The following ANKAR variants were observed in gnomAD, a reference collection of about 807,000 sequenced individuals.
ANKAR encodes ankyrin and armadillo repeat containing, also known as ankyrin and armadillo repeat-containing protein.
Under a neutral mutation model 146.2 loss-of-function variants are expected in ANKAR, and 136 were observed. The ratio of observed to expected loss-of-function variants is 0.93; its 90% CI spans 0.81 to 1.07. The LOEUF (loss-of-function observed/expected upper bound fraction) is 1.07. Among genes scored for constraint, ANKAR ranks in the 50% least tolerant of loss-of-function variants. The pLI, the probability that ANKAR is intolerant of heterozygous loss-of-function variation, is 0.00. For missense variants in ANKAR, 1,567 were observed against 1,679.9 expected (o/e 0.93, Z 1.18); for synonymous variants, 500 against 575.8 (o/e 0.87, Z 1.88).
At position 189,696,315 on chromosome 2, in the gene ANKAR, C is replaced by T. The variant is rs1215457055; in HGVS notation, c.1654C>T (p.Leu552=). 6.2e-7 allele frequency: 1 copy of T among 1,614,054 alleles called. No individual in the cohort carries two copies. The highest frequency in any genetic ancestry group is 8.5e-7 in the Non-Finnish European group (1 of 1,179,986). ...CAACAGAGTTTCTATTATATGTCAA[C>T]TGTGCAATGCTAACTTCAAGGTCAA... ...LHNRVSIICQ[L]CNANFKVNQR... is the part of the protein sequence containing the mutation. The change falls in exon 7 of 23, where the codon CTG becomes TTG. Residue 552 remains leucine, a synonymous_variant. Transcript: ENST00000684021.
intron 17 of ANKAR, among the ~76,000 whole-genome samples, chr2:189,736,178 A>T (rs977000924): frequency 2.1e-4 from 32 of 152,162 alleles, no homozygotes; most frequent in Non-Finnish European, 4.3e-4. Context: ...AAACTATGGG[A>T]TTCATTTTGA....
chr2:189,754,466 T>C, intron 18 of ANKAR: 1 of 933,420 alleles, frequency 1.1e-6, no homozygotes, highest in Admixed American at 2.9e-5. Context: ...TAAAACATGC[T>C]ATACTTTGGC....
intron 2 of ANKAR, among the ~76,000 whole-genome samples, chr2:189,685,172 A>C (rs947177181): frequency 6.6e-6 from 1 of 151,170 alleles, no homozygotes; most frequent in Non-Finnish European, 1.5e-5. Flanking sequence ...TGCCCAGCTA[A>C]TTTTTTTGTT....
intron 10 of ANKAR, among the ~76,000 whole-genome samples, chr2:189,713,756 A>G (rs1239556027): frequency 6.6e-6 from 1 of 152,242 alleles, no homozygotes; most frequent in African/African-American, 2.4e-5. Flanking sequence ...AAATTCACAC[A>G]CAACAATATT....
intron 17 of ANKAR, among the ~76,000 whole-genome samples, chr2:189,736,206 T>C (rs1201161258): frequency 1.3e-5 from 2 of 152,174 alleles, no homozygotes; most frequent in East Asian, 1.9e-4. Context: ...ATAGCCACTT[T>C]ATAATCTAAA....
Position 189,733,156 on chromosome 2 carries a change from T to A in ANKAR, c.3350T>A (p.Leu1117Ter). 6.2e-7 allele frequency: 1 copy of A among 1,613,102 alleles called. No individual in the cohort carries two copies. Among genetic ancestry groups the A allele is most frequent in the Non-Finnish European group, 8.5e-7 (1 of 1,179,456 alleles). The change falls in exon 17 of 23, where the codon TTA becomes TAA. Residue 1117 changes from leucine (L) to a stop codon, truncating the protein, a stop_gained. Coordinates refer to ENST00000684021, the MANE Select transcript of ANKAR (RefSeq NM_001378068.1). LOFTEE classifies it high-confidence loss of function. ...LACIVLGNDVLQKDLHENEGF... is the reference protein window; with the variant it reads ...LACIVLGNDV Reference sequence around the variant, plus strand: ...TGCATTGTCCTAGGGAATGATGTGTTACAGAAAGACTTACATGAAAATGAA... The same window carrying A: ...TGCATTGTCCTAGGGAATGATGTGTAACAGAAAGACTTACATGAAAATGAA...
intron 2 of ANKAR, among the ~76,000 whole-genome samples, chr2:189,687,988 G>T (rs1281284404): frequency 6.6e-6 from 1 of 152,048 alleles, no homozygotes; most frequent in East Asian, 1.9e-4. Flanking sequence ...GTCCATTTTT[G>T]CTTGGGTTGC....
At chr2:189,761,589 T>C (rs959053694), downstream of ANKAR, 3 of 1,609,576 alleles carry the variant, frequency 1.9e-6, no homozygotes, top group African/African-American at 2.7e-5. Flanking sequence ...TCATAAACTT[T>C]CCTTTTTGAT....
intron 19 of ANKAR, among the ~76,000 whole-genome samples, chr2:189,739,907 C>T (rs2043174793): frequency 6.6e-6 from 1 of 152,116 alleles, no homozygotes; most frequent in Non-Finnish European, 1.5e-5. Context: ...CATTGGCTTT[C>T]AAATATTAAA....
chr2:189,707,061 A>G lies in ANKAR; in HGVS notation c.2034A>G (p.Leu678=), dbSNP rs1311508989. ...TDIKGNNIIH[L]SVLTFHTEVL... Reference sequence around the variant, plus strand: ...TTAAAGGAAATAATATAATCCATTTATCAGTGTTAACCTTTCATACAGAGG... The same window carrying G: ...TTAAAGGAAATAATATAATCCATTTGTCAGTGTTAACCTTTCATACAGAGG... The change falls in exon 9 of 23, where the codon TTA becomes TTG. Residue 678 remains leucine, a synonymous_variant. Coordinates refer to ENST00000684021, the MANE Select transcript of ANKAR (RefSeq NM_001378068.1). The G allele has an allele frequency of 6.2e-7, 1 of 1,611,092 alleles. No homozygotes were observed. The highest frequency in any genetic ancestry group is 8.5e-7 in the Non-Finnish European group (1 of 1,177,824).
At chr2:189,749,741 G>A (rs1439918338), downstream of ANKAR, among the ~76,000 whole-genome samples, 1 of 152,160 alleles carries the variant, frequency 6.6e-6, no homozygotes, top group African/African-American at 2.4e-5. Flanking sequence ...CTCCAGAGAT[G>A]ATACCTAATA....
rs769056174 is a variant in ANKAR at position 189,737,817 on chromosome 2, T to A, written c.3558T>A (p.Thr1186=). ...FERFLESTVE[T]EKAMAAFQIV... ...GTTTTCTTGAATCAACAGTTGAAAC[T>A]GAGAAGGCAATGGCAGCATTTCAGG... Residue 1186 remains threonine (T), a synonymous_variant, in exon 18 of 23, where the codon ACT becomes ACA. Transcript: ENST00000684021. 8.7e-5 allele frequency: 137 copies of A among 1,571,584 alleles called. No individual in the cohort carries two copies. The highest frequency in any genetic ancestry group is 1.1e-4 in the Non-Finnish European group (129 of 1,166,008).
At chr2:189,757,294 G>C (rs899112667) in intron 18 of ANKAR, among the ~76,000 whole-genome samples, 1 of 152,196 alleles carries the variant, frequency 6.6e-6, no homozygotes, top group Non-Finnish European at 1.5e-5. Flanking sequence ...ATGTGGAATG[G>C]TGAGGGAGAA....
chr2:189,722,736 A>G (rs1210445149), intron 12 of ANKAR, among the ~76,000 whole-genome samples: 1 of 152,046 alleles, frequency 6.6e-6, no homozygotes, highest in Non-Finnish European at 1.5e-5. Flanking sequence ...CAAAAAAATT[A>G]TCTGGGTGTG....
intron 2 of ANKAR, among the ~76,000 whole-genome samples, chr2:189,677,324 G>C (rs2033880252): frequency 6.6e-6 from 1 of 152,052 alleles, no homozygotes; most frequent in Admixed American, 6.6e-5. Flanking sequence ...TGGGGGAACA[G>C]GTGGTTTTTG....
chr2:189,687,481 A>G (rs1036290732), intron 2 of ANKAR, among the ~76,000 whole-genome samples: 1 of 152,182 alleles, frequency 6.6e-6, no homozygotes, highest in Non-Finnish European at 1.5e-5. Flanking sequence ...TATACCCAGC[A>G]GTGGGATTGC....
At chr2:189,681,009 A>AT (rs11427057) in intron 2 of ANKAR, among the ~76,000 whole-genome samples, 150,359 of 152,254 alleles carry the variant, frequency 0.99, 74,279 homozygotes, top group East Asian at 1. Flanking sequence ...GAGCCTTGAC[A>AT]TTCTGACGAA....
In ANKAR at chr2:189,699,787, C is replaced by A. The variant is rs370632666; in HGVS notation, c.1708+3418C>A. 8.3e-3 allele frequency among the ~76,000 whole-genome samples: 1,257 copies of A among 152,272 alleles called. 12 individuals are homozygous for A. Among genetic ancestry groups the A allele is most frequent in the Middle Eastern group, 0.037 (11 of 294 alleles). On this transcript the variant is annotated intron_variant, in intron 7 of 22. Transcript: ENST00000684021. Reference sequence around the variant, plus strand: ...GTTCAAGCGATTCTCCCACCTCAGCCTCCCATGTAGCTGGGATTACAGATG... The same window carrying A: ...GTTCAAGCGATTCTCCCACCTCAGCATCCCATGTAGCTGGGATTACAGATG...
At chr2:189,707,179 G>T in intron 9 of ANKAR, 33 bp downstream of exon 9, 1 of 1,199,692 alleles carries the variant, frequency 8.3e-7, no homozygotes, top group South Asian at 2.2e-5. Context: ...TACATGTTCT[G>T]ATTATTATTC....
Sources: gnomAD v4.1 joint callset for allele counts (sites outside exome capture counted in the v4.1 genomes callset) on GRCh38, gnomAD v4.1.1 for gene constraint, MANE v1.5 for transcripts, NCBI Gene and HGNC (gene_info 2026-07-23, HGNC 2026-07-21) for gene names.